SLC25A13: variants seen among roughly 807,000 people sequenced by gnomAD.
SLC25A13 encodes the protein electrogenic aspartate/glutamate antiporter SLC25A13, mitochondrial.
Under a neutral mutation model 85.5 loss-of-function variants are expected in SLC25A13, and 70 were observed. The observed-to-expected ratio is 0.82, with a 90% confidence interval of 0.68 to 1.00. SLC25A13 has a LOEUF of 1.00. Ranked by LOEUF, SLC25A13 falls within the 50% of genes least tolerant of loss-of-function variation. The probability of loss-of-function intolerance (pLI) is 0.00; values close to 1 mark genes in which losing one functional copy is unlikely to be tolerated. For missense variants in SLC25A13, 765 were observed against 819.8 expected (o/e 0.93, Z 0.82); for synonymous variants, 259 against 288.7 (o/e 0.90, Z 1.04).
chr7:96,232,040 A>C (rs1796558502), intron 4 of SLC25A13, among the ~76,000 whole-genome samples: 1 of 152,128 alleles, frequency 6.6e-6, no homozygotes, highest in Admixed American at 6.5e-5. Flanking sequence ...TTCCTCAAAG[A>C]CCTAAAAACA....
At chr7:96,133,814 C>T (rs1262146499) in intron 14 of SLC25A13, among the ~76,000 whole-genome samples, 2 of 151,676 alleles carry the variant, frequency 1.3e-5, no homozygotes, top group Non-Finnish European at 2.9e-5. Flanking sequence ...CCCAGCTACT[C>T]GGGAGACTGA....
chr7:96,320,828 G>A (rs1335361953), intron 1 of SLC25A13, among the ~76,000 whole-genome samples: 1 of 152,186 alleles, frequency 6.6e-6, no homozygotes, highest in African/African-American at 2.4e-5. Flanking sequence ...ATATTTGTCT[G>A]CTTACAATTT....
At position 96,184,954 on chromosome 7, in the gene SLC25A13, T is replaced by C. The variant is rs1794569272; in HGVS notation, c.991A>G (p.Arg331Gly). The change falls in exon 10 of 18, where the codon AGG (arginine) becomes GGG (glycine). Residue 331 changes from arginine to glycine, a missense_variant. Arg to Gly is a moderately radical substitution (Grantham distance 125, BLOSUM62 -2). Coordinates refer to ENST00000265631, the MANE Select transcript of SLC25A13 (RefSeq NM_014251.3). ...VLLQVAESAY[R>G]FGLGSVAGAV... Reference sequence around the variant, plus strand: ...CCAGCAACAGAACCCAGACCAAACCTGTAGGCCGACTCTGCAACTTGTAGA... The same window carrying C: ...CCAGCAACAGAACCCAGACCAAACCCGTAGGCCGACTCTGCAACTTGTAGA... The C allele has an allele frequency of 6.2e-7, 1 of 1,614,186 alleles. No homozygotes were observed.
chr7:96,139,982 G>A (rs533938809), intron 14 of SLC25A13, among the ~76,000 whole-genome samples: 21 of 114,996 alleles, frequency 1.8e-4, no homozygotes, highest in Non-Finnish European at 3.4e-4. Flanking sequence ...TTTTTGAGAC[G>A]GAGTCTCGCT....
At chr7:96,303,252 T>C (rs897008664) in intron 1 of SLC25A13, among the ~76,000 whole-genome samples, 15 of 152,114 alleles carry the variant, frequency 9.9e-5, no homozygotes, top group Non-Finnish European at 1.3e-4. Context: ...AAGCACAGAC[T>C]TACACTGAAA....
chr7:96,165,771 T>C (rs1793715285), intron 13 of SLC25A13, among the ~76,000 whole-genome samples: 1 of 152,188 alleles, frequency 6.6e-6, no homozygotes, highest in Admixed American at 6.5e-5. Flanking sequence ...TGAAAAGCAA[T>C]TTGGACAGGT....
chr7:96,275,053 T>C (rs1189542303), intron 3 of SLC25A13, among the ~76,000 whole-genome samples: 1 of 152,204 alleles, frequency 6.6e-6, no homozygotes, highest in Non-Finnish European at 1.5e-5. Context: ...AAGAAAGTCA[T>C]TGGTAGCTTG....
intron 4 of SLC25A13, among the ~76,000 whole-genome samples, chr7:96,223,505 C>T (rs964238241): frequency 4.6e-5 from 7 of 151,962 alleles, no homozygotes; most frequent in South Asian, 2.1e-4. Context: ...TTCAAGCTCT[C>T]GGCTAGGCAC....
At chr7:96,287,843 C>A (rs1336101229) in intron 2 of SLC25A13, among the ~76,000 whole-genome samples, 1 of 152,334 alleles carries the variant, frequency 6.6e-6, no homozygotes, top group South Asian at 2.1e-4. Context: ...AGAACGATGA[C>A]TTCTTTACCA....
chr7:96,145,036 C>A (rs1316985774), intron 14 of SLC25A13, among the ~76,000 whole-genome samples: 1 of 152,028 alleles, frequency 6.6e-6, no homozygotes. Flanking sequence ...CAATGCTATG[C>A]CTCATGACAA....
At chr7:96,142,725 C>G (rs910460740) in intron 14 of SLC25A13, among the ~76,000 whole-genome samples, 5 of 151,932 alleles carry the variant, frequency 3.3e-5, no homozygotes, top group African/African-American at 1.2e-4. Context: ...TCTTCATACA[C>G]CTTTCTAAAT....
At chr7:96,260,095 C>T (rs148965994) in intron 3 of SLC25A13, among the ~76,000 whole-genome samples, 3,179 of 152,020 alleles carry the variant, frequency 0.021, 74 homozygotes, top group African/African-American at 0.056. Flanking sequence ...AGGAGAAATA[C>T]CTAATGTAGA....
At chr7:96,320,681 A>G (rs1436412578) in intron 1 of SLC25A13, among the ~76,000 whole-genome samples, 3 of 152,234 alleles carry the variant, frequency 2.0e-5, no homozygotes. Flanking sequence ...ACACACCCAG[A>G]GTACTTTCCT....
intron 7 of SLC25A13, 94 bp from the exon 8 acceptor site, chr7:96,189,768 A>C: frequency 9.9e-7 from 1 of 1,012,766 alleles, no homozygotes; most frequent in Non-Finnish European, 1.6e-6. Flanking sequence ...TGAACATCAC[A>C]AAACTTTATT....
chr7:96,152,336 C>G (rs768571504), intron 13 of SLC25A13, among the ~76,000 whole-genome samples: 1 of 152,030 alleles, frequency 6.6e-6, no homozygotes, highest in Non-Finnish European at 1.5e-5. Context: ...GCCTAGGGAG[C>G]AGAGGGGAGA....
At chr7:96,310,188 T>C (rs1799900324) in intron 1 of SLC25A13, among the ~76,000 whole-genome samples, 2 of 152,200 alleles carry the variant, frequency 1.3e-5, no homozygotes, top group Non-Finnish European at 2.9e-5. Flanking sequence ...ATGGTCCCCA[T>C]ATTCCAGCTG....
intron 13 of SLC25A13, among the ~76,000 whole-genome samples, chr7:96,161,774 G>GCT (rs1793516582): frequency 1.3e-5 from 2 of 152,154 alleles, no homozygotes; most frequent in African/African-American, 4.8e-5. Context: ...TAAAGTGCAA[G>GCT]TACAAATCAA....
At chr7:96,268,214 C>T (rs116998222) in intron 3 of SLC25A13, among the ~76,000 whole-genome samples, 3 of 152,208 alleles carry the variant, frequency 2.0e-5, no homozygotes, top group East Asian at 1.9e-4. Context: ...CTCCCTTTAA[C>T]GAGATAACAG....
In SLC25A13 at chr7:96,120,688, A is replaced by G. The variant is rs559778122; in HGVS notation, c.*503T>C. The G allele has an allele frequency of 2.2e-6, 1 of 454,532 alleles. No individual in the cohort carries two copies. Among genetic ancestry groups the G allele is most frequent in the South Asian group, 1.6e-5 (1 of 64,428 alleles). The allele number at this position is 454,532 out of a possible 1,614,324, so 28.2% of individuals were successfully genotyped here. A position where few individuals can be genotyped will look rare whatever the true frequency, so the allele number is the denominator to read the frequency against. On this transcript the variant is annotated 3_prime_UTR_variant, in exon 18 of 18. Coordinates refer to ENST00000265631, the MANE Select transcript of SLC25A13 (RefSeq NM_014251.3). Reference sequence around the variant, plus strand: ...GCTTCATAATATAATCCAGAGACAGAATTTGTGCATGCTTACAATTTGAAG... The same window carrying G: ...GCTTCATAATATAATCCAGAGACAGGATTTGTGCATGCTTACAATTTGAAG...
Sources: gnomAD v4.1 joint callset for allele counts (sites outside exome capture counted in the v4.1 genomes callset) on GRCh38, gnomAD v4.1.1 for gene constraint, MANE v1.5 for transcripts, NCBI Gene and HGNC (gene_info 2026-07-23, HGNC 2026-07-21) for gene names.